The following LRFN5 variants were observed in gnomAD, a reference collection of about 807,000 sequenced individuals.
LRFN5 encodes leucine-rich repeat and fibronectin type-III domain-containing protein 5.
Under a neutral mutation model 45.6 loss-of-function variants are expected in LRFN5, and 24 were observed. The ratio of observed to expected loss-of-function variants is 0.53; its 90% CI spans 0.38 to 0.74. The LOEUF (loss-of-function observed/expected upper bound fraction) is 0.74, where lower values mean the gene tolerates loss of function less well. Ranked by LOEUF, LRFN5 falls within the 30% of genes least tolerant of loss-of-function variation. The probability of loss-of-function intolerance (pLI) is 0.00; values close to 1 mark genes in which losing one functional copy is unlikely to be tolerated. For synonymous variants in LRFN5, 340 were observed against 313.8 expected, an observed-to-expected ratio of 1.08 and a Z score of -0.88; for missense variants, 776 against 861.5, an observed-to-expected ratio of 0.90 and a Z score of 1.24.
intron 1 of LRFN5, among the ~76,000 whole-genome samples, chr14:41,748,293 T>C (rs1164498455): frequency 6.6e-6 from 1 of 152,062 alleles, no homozygotes; most frequent in Non-Finnish European, 1.5e-5. Flanking sequence ...AGCAGACAAA[T>C]GGCTAAGGTA....
intron 1 of LRFN5, chr14:41,699,450 C>T (rs971581597): frequency 3.3e-5 from 5 of 151,978 alleles, no homozygotes; most frequent in African/African-American, 7.2e-5. Context: ...GATAGAACAA[C>T]ATGTTAAAGG....
At chr14:41,633,015 A>G (rs1355740692) in intron 1 of LRFN5, among the ~76,000 whole-genome samples, 1 of 152,166 alleles carries the variant, frequency 6.6e-6, no homozygotes, top group East Asian at 1.9e-4. Flanking sequence ...TTCCAATTCT[A>G]TAACCTTGGA....
At chr14:41,841,436 G>A (rs1888855371) in intron 2 of LRFN5, among the ~76,000 whole-genome samples, 1 of 151,892 alleles carries the variant, frequency 6.6e-6, no homozygotes, top group Admixed American at 6.6e-5. Flanking sequence ...GTTTGTATGT[G>A]TATGTGTTAC....
intron 2 of LRFN5, among the ~76,000 whole-genome samples, chr14:41,782,974 CTTT>C (rs57305924): frequency 3.9e-5 from 5 of 127,624 alleles, no homozygotes; most frequent in African/African-American, 8.8e-5. Flanking sequence ...GGTGATACAG[CTTT>C]TTTTTTTTTT....
chr14:41,837,762 C>G (rs941410486), intron 2 of LRFN5, among the ~76,000 whole-genome samples: 18 of 152,094 alleles, frequency 1.2e-4, no homozygotes, highest in African/African-American at 4.3e-4. Context: ...TAAAGAGCTG[C>G]TGCTTTAAAA....
intron 1 of LRFN5, among the ~76,000 whole-genome samples, chr14:41,618,376 T>A (rs1887993755): frequency 1.3e-5 from 2 of 152,202 alleles, no homozygotes; most frequent in Admixed American, 1.3e-4. Context: ...GGTATAATTT[T>A]CAAGCCTAAT....
Position 41,735,527 on chromosome 14 carries a change from C to A in LRFN5, c.-196-31327C>A, listed in dbSNP as rs575932823. On this transcript the variant is annotated intron_variant, in intron 1 of 5. Transcript: ENST00000298119. ...GCTCAAGCAGTCCTTCTGCGTCAGC[C>A]CCCCCACGTGCTGGGATTATAGGTA... Among the ~76,000 whole-genome samples the A allele has an allele frequency of 5.1e-4, 78 of 152,266 alleles. 1 individual carries two copies. The highest frequency in any genetic ancestry group is 1.5e-3 in the African/African-American group (62 of 41,544).
chr14:41,890,965 TG>T (rs903148044), intron 3 of LRFN5, among the ~76,000 whole-genome samples: 10 of 152,172 alleles, frequency 6.6e-5, no homozygotes, highest in Admixed American at 3.3e-4. Context: ...TTGTCATCAA[TG>T]TTTTTTTAGC....
At chr14:41,706,224 C>T (rs924657838) in intron 1 of LRFN5, among the ~76,000 whole-genome samples, 4 of 152,044 alleles carry the variant, frequency 2.6e-5, no homozygotes, top group Non-Finnish European at 5.9e-5. Flanking sequence ...CCTCAGCCTC[C>T]TGAGTAGCTG....
chr14:41,789,073 A>T (rs1886828826), intron 2 of LRFN5, among the ~76,000 whole-genome samples: 1 of 152,094 alleles, frequency 6.6e-6, no homozygotes, highest in East Asian at 1.9e-4. Flanking sequence ...TTGATGTTTG[A>T]AGTTTCTAAA....
chr14:41,671,604 A>ATTTTTTTTTTCT lies in LRFN5; in HGVS notation c.-197+63052_-197+63053insCTTTTTTTTTTT, dbSNP rs1566613117. 6.6e-4 allele frequency among the ~76,000 whole-genome samples: 60 copies of ATTTTTTTTTTCT among 91,054 alleles called. 2 individuals are homozygous for ATTTTTTTTTTCT. Among genetic ancestry groups the ATTTTTTTTTTCT allele is most frequent in the South Asian group, 2.3e-3 (6 of 2,594 alleles). 59.7% of individuals were successfully genotyped at this position (91,054 alleles called of 152,430 possible). A position where few individuals can be genotyped will look rare whatever the true frequency, so the allele number is the denominator to read the frequency against. Reference sequence around the variant, plus strand: ...ACCATTGTGTGGATGTGGAGGAGAGATTTTTTTTTTTCGTTTTTTTTTTTT... The same window carrying ATTTTTTTTTTCT: ...ACCATTGTGTGGATGTGGAGGAGAGATTTTTTTTTTCTTTTTTTTTTTTCGTTTTTTTTTTTT... On this transcript the variant is annotated intron_variant, in intron 1 of 5. Coordinates refer to ENST00000298119, the MANE Select transcript of LRFN5 (RefSeq NM_152447.5).
chr14:41,792,360 C>T (rs899946804), intron 2 of LRFN5, among the ~76,000 whole-genome samples: 1 of 151,978 alleles, frequency 6.6e-6, no homozygotes, highest in Non-Finnish European at 1.5e-5. Flanking sequence ...CAACAGAAAA[C>T]AGGTTCGAGA....
chr14:41,755,196 A>G (rs1308794521), intron 1 of LRFN5, among the ~76,000 whole-genome samples: 2 of 152,098 alleles, frequency 1.3e-5, no homozygotes, highest in Admixed American at 1.3e-4. Flanking sequence ...TATGTGGTCA[A>G]TTTTGGAATC....
chr14:41,623,744 G>A (rs1399745195), intron 1 of LRFN5, among the ~76,000 whole-genome samples: 1 of 152,032 alleles, frequency 6.6e-6, no homozygotes, highest in Non-Finnish European at 1.5e-5. Context: ...ATTGCACTGG[G>A]CAGGCTTCTT....
At chr14:41,781,610 A>AAG (rs1348770111) in intron 2 of LRFN5, among the ~76,000 whole-genome samples, 5 of 96,058 alleles carry the variant, frequency 5.2e-5, no homozygotes, top group African/African-American at 2.6e-4. Context: ...GAAAGAAAGA[A>AAG]AGAAAGAGAA....
intron 2 of LRFN5, among the ~76,000 whole-genome samples, chr14:41,834,163 A>G (rs946392532): frequency 6.6e-6 from 1 of 152,250 alleles, no homozygotes; most frequent in South Asian, 2.1e-4. Context: ...CTTTTTCCCT[A>G]GGAAAAAAAA....
chr14:41,651,491 C>T (rs1880123825), intron 1 of LRFN5, among the ~76,000 whole-genome samples: 1 of 152,126 alleles, frequency 6.6e-6, no homozygotes, highest in Non-Finnish European at 1.5e-5. Context: ...AAACCTTTCA[C>T]ATTTATTACC....
chr14:41,702,857 A>G (rs56939558), intron 1 of LRFN5, among the ~76,000 whole-genome samples: 6,778 of 152,034 alleles, frequency 0.045, 488 homozygotes, highest in African/African-American at 0.15. Flanking sequence ...TATATTTTCT[A>G]TCTCTCAGTT....
chr14:41,820,486 C>T (rs1358547863), intron 2 of LRFN5, among the ~76,000 whole-genome samples: 1 of 152,010 alleles, frequency 6.6e-6, no homozygotes, highest in Non-Finnish European at 1.5e-5. Flanking sequence ...TATTTTTATA[C>T]CAGTACCATA....
Sources: gnomAD v4.1 joint callset for allele counts (sites outside exome capture counted in the v4.1 genomes callset) on GRCh38, gnomAD v4.1.1 for gene constraint, MANE v1.5 for transcripts, NCBI Gene and HGNC (gene_info 2026-07-23, HGNC 2026-07-21) for gene names.